The following CDH18 variants were observed in gnomAD, a reference collection of about 807,000 sequenced individuals.
CDH18 encodes the protein cadherin-18.
Under a neutral mutation model 67.9 loss-of-function variants are expected in CDH18, and 31 were observed. That is an observed-to-expected ratio of 0.46 (90% confidence interval 0.34 to 0.62). The LOEUF (loss-of-function observed/expected upper bound fraction) is 0.62, where lower values mean the gene tolerates loss of function less well. CDH18 is among the 20% of genes least tolerant of loss of function. The pLI is 0.01. For missense variants in CDH18, 890 were observed against 975.5 expected, an observed-to-expected ratio of 0.91 and a Z score of 1.17; for synonymous variants, 362 against 347.2, an observed-to-expected ratio of 1.04 and a Z score of -0.48.
chr5:20,357,220 C>T (rs999527616), intron 1 of CDH18, among the ~76,000 whole-genome samples: 2 of 151,688 alleles, frequency 1.3e-5, no homozygotes, highest in Admixed American at 1.3e-4. Context: ...ATTCCAAAGG[C>T]GAAAAGAAAC....
intron 5 of CDH18, among the ~76,000 whole-genome samples, chr5:19,645,060 A>T (rs1163780745): frequency 6.6e-6 from 1 of 152,222 alleles, no homozygotes; most frequent in Non-Finnish European, 1.5e-5. Context: ...AGTATTATGG[A>T]GAAGATGAAA....
At position 20,500,477 on chromosome 5, in the gene CDH18, T is replaced by A. The variant is rs4866192; in HGVS notation, c.-580+74985A>T. ...GAATTGGCCAGGGGCACCTGGGGAA[T>A]TGAACAACTCATCTCGCCTCTAAAT... On this transcript the variant is annotated intron_variant, in intron 1 of 14. Transcript: ENST00000507958. 5.1e-3 allele frequency among the ~76,000 whole-genome samples: 781 copies of A among 152,252 alleles called. 4 individuals are homozygous for A. The highest frequency in any genetic ancestry group is 8.5e-3 in the Non-Finnish European group (580 of 68,024).
chr5:20,536,310 A>T (rs1756716783), intron 1 of CDH18, among the ~76,000 whole-genome samples: 1 of 152,164 alleles, frequency 6.6e-6, no homozygotes, highest in African/African-American at 2.4e-5. Flanking sequence ...ATACTCTAGC[A>T]AAAATATCTC....
At chr5:20,269,117 C>G (rs997910637) in intron 1 of CDH18, among the ~76,000 whole-genome samples, 2 of 152,046 alleles carry the variant, frequency 1.3e-5, no homozygotes, top group African/African-American at 4.8e-5. Context: ...ATGGCCAACA[C>G]ATAAATGTGA....
At chr5:19,486,814 A>ATAAT (rs1740480792) in intron 11 of CDH18, among the ~76,000 whole-genome samples, 1 of 124,930 alleles carries the variant, frequency 8.0e-6, no homozygotes, top group South Asian at 2.5e-4. Flanking sequence ...AAATAAATAA[A>ATAAT]TAAGATATTA....
At position 19,614,469 on chromosome 5, in the gene CDH18, C is replaced by T. The variant is rs560807494; in HGVS notation, c.644-1868G>A. Among the ~76,000 whole-genome samples, 7 of 151,700 alleles carry T rather than the reference C, an allele frequency of 4.6e-5. No homozygotes were observed. The South Asian group carries it at 6.2e-4, about 14-fold the overall frequency. ...ATTAAAAAAACAATGTTTTATCTTA[C>T]GATAATTACATTAGTAGGAATTGAA... On this transcript the variant is annotated intron_variant, in intron 5 of 12. Transcript: ENST00000382275.
At chr5:19,922,101 G>T (rs1246648714) in intron 2 of CDH18, among the ~76,000 whole-genome samples, 1 of 152,142 alleles carries the variant, frequency 6.6e-6, no homozygotes, top group Non-Finnish European at 1.5e-5. Context: ...ACAGTTTCAT[G>T]AATGAATGAT....
intron 9 of CDH18, among the ~76,000 whole-genome samples, chr5:19,533,800 C>A (rs546974048): frequency 2.0e-5 from 3 of 151,686 alleles, no homozygotes; most frequent in African/African-American, 2.4e-5. Flanking sequence ...TAGGATGGCA[C>A]GGGAATATGG....
In CDH18 at chr5:19,952,015, T is replaced by C. The variant is rs540329134; in HGVS notation, c.-257+29045A>G. Among the ~76,000 whole-genome samples, 4 of 152,240 alleles carry C rather than the reference T, an allele frequency of 2.6e-5. No homozygotes were observed. In the East Asian group the frequency reaches 7.7e-4, roughly 29 times the overall value. ...AAAGATCCTTCCTTATTTTTCTATG[T>C]AATTATCCTAATTATACTTTTCCAA... On this transcript the variant is annotated intron_variant, in intron 2 of 12. Transcript: ENST00000382275.
intron 6 of CDH18, among the ~76,000 whole-genome samples, chr5:19,596,747 C>T (rs1332223889): frequency 6.6e-6 from 1 of 152,082 alleles, no homozygotes; most frequent in Non-Finnish European, 1.5e-5. Flanking sequence ...GAAAAAAAAC[C>T]TGATAATTCT....
At chr5:19,589,316 A>C (rs929631121) in intron 7 of CDH18, among the ~76,000 whole-genome samples, 1 of 152,034 alleles carries the variant, frequency 6.6e-6, no homozygotes. Flanking sequence ...CAATGCCAAC[A>C]TTCTCTCCTA....
intron 2 of CDH18, among the ~76,000 whole-genome samples, chr5:19,862,203 T>G (rs376327417): frequency 3.0e-4 from 14 of 46,918 alleles, no homozygotes; most frequent in African/African-American, 5.9e-4. Flanking sequence ...ATGAAACAAA[T>G]ACATTACAGA....
chr5:20,525,973 GC>G (rs941274790), intron 1 of CDH18, among the ~76,000 whole-genome samples: 4 of 151,434 alleles, frequency 2.6e-5, no homozygotes, highest in African/African-American at 9.8e-5. Flanking sequence ...AATGAGAGTA[GC>G]AAAAGAAAAC....
intron 1 of CDH18, among the ~76,000 whole-genome samples, chr5:20,313,825 T>C (rs1737215413): frequency 6.6e-6 from 1 of 152,052 alleles, no homozygotes; most frequent in African/African-American, 2.4e-5. Flanking sequence ...ATGCACACAA[T>C]CATACACACA....
chr5:19,536,599 T>A (rs761270426), intron 9 of CDH18, among the ~76,000 whole-genome samples: 2 of 152,202 alleles, frequency 1.3e-5, no homozygotes, highest in African/African-American at 2.4e-5. Context: ...GGAGCTATGA[T>A]TTAAATCAAA....
intron 3 of CDH18, among the ~76,000 whole-genome samples, chr5:19,826,698 C>T (rs1157983368): frequency 6.6e-6 from 1 of 152,140 alleles, no homozygotes; most frequent in African/African-American, 2.4e-5. Flanking sequence ...GAATTTGTTA[C>T]CACCAGACCT....
chr5:19,911,851 TG>T (rs1269750684), intron 2 of CDH18, among the ~76,000 whole-genome samples: 1 of 152,220 alleles, frequency 6.6e-6, no homozygotes, highest in African/African-American at 2.4e-5. Flanking sequence ...AGTTTCAAAG[TG>T]TTATTTTTAG....
chr5:20,130,851 C>A (rs193207690), intron 2 of CDH18, among the ~76,000 whole-genome samples: 64 of 152,072 alleles, frequency 4.2e-4, no homozygotes, highest in Admixed American at 7.9e-4. Flanking sequence ...TAGGCCTTCT[C>A]TATATCATTT....
chr5:20,374,575 C>G (rs1198502110), intron 1 of CDH18, among the ~76,000 whole-genome samples: 1 of 152,148 alleles, frequency 6.6e-6, no homozygotes. Context: ...GAAGACACTT[C>G]TGAGTTTTCA....
Sources: allele counts gnomAD v4.1 joint callset (sites outside exome capture counted in the v4.1 genomes callset), GRCh38; gene constraint gnomAD v4.1.1; transcripts MANE v1.5; gene names NCBI Gene and HGNC (gene_info 2026-07-23, HGNC 2026-07-21).